The following ATP8A2 variants were observed in gnomAD, a reference collection of about 807,000 sequenced individuals.
ATP8A2 encodes phospholipid-transporting ATPase IB.
ATP8A2 carries 100 observed loss-of-function variants against 165.6 expected under a neutral mutation model. The observed-to-expected ratio is 0.60, with a 90% CI of 0.51 to 0.71. The LOEUF (loss-of-function observed/expected upper bound fraction) is 0.71, where lower values mean the gene tolerates loss of function less well. Among genes scored for constraint, ATP8A2 ranks in the 30% least tolerant of loss-of-function variants. The probability of loss-of-function intolerance (pLI) is 0.00; values close to 1 mark genes in which losing one functional copy is unlikely to be tolerated. For synonymous variants in ATP8A2, 543 were observed against 548.8 expected, an observed-to-expected ratio of 0.99 and a Z score of 0.15; for missense variants, 1,227 against 1,479.5, an observed-to-expected ratio of 0.83 and a Z score of 2.80.
intron 1 of ATP8A2, among the ~76,000 whole-genome samples, chr13:25,436,867 C>T (rs2034793800): frequency 6.6e-6 from 1 of 151,966 alleles, no homozygotes; most frequent in African/African-American, 2.4e-5. Flanking sequence ...GCCTCGGCCT[C>T]TCAGGGTTAG....
chr13:25,572,239 A>G (rs1404529694), intron 18 of ATP8A2, among the ~76,000 whole-genome samples: 2 of 152,134 alleles, frequency 1.3e-5, no homozygotes, highest in Non-Finnish European at 2.9e-5. Flanking sequence ...GGTTCAAGCA[A>G]TTCTCCTGCC....
At chr13:25,791,565 A>ACACACACACACACACACACACT (rs1423280387) in intron 27 of ATP8A2, among the ~76,000 whole-genome samples, 14 of 151,540 alleles carry the variant, frequency 9.2e-5, no homozygotes, top group Non-Finnish European at 1.5e-5. Context: ...ACACACACAC[A>ACACACACACACACACACACACT]CACACACACA....
At chr13:25,603,206 G>C (rs2040432180) in intron 24 of ATP8A2, among the ~76,000 whole-genome samples, 1 of 152,080 alleles carries the variant, frequency 6.6e-6, no homozygotes, top group Non-Finnish European at 1.5e-5. Flanking sequence ...AAGGAGTCTT[G>C]GCTAGGCACG....
intron 35 of ATP8A2, among the ~76,000 whole-genome samples, chr13:25,995,721 A>G (rs1028341460): frequency 7.9e-5 from 12 of 152,120 alleles, no homozygotes; most frequent in Admixed American, 3.3e-4. Flanking sequence ...TTCTTGTTAT[A>G]TATTCCATGT....
At chr13:25,380,359 A>T (rs991438273) in intron 1 of ATP8A2, among the ~76,000 whole-genome samples, 22 of 152,204 alleles carry the variant, frequency 1.4e-4, no homozygotes, top group African/African-American at 5.3e-4. Context: ...TTGAAGTTGA[A>T]GGTGACTTTA....
intron 30 of ATP8A2, among the ~76,000 whole-genome samples, chr13:25,855,478 G>A (rs1391682460): frequency 6.6e-6 from 1 of 152,026 alleles, no homozygotes; most frequent in African/African-American, 2.4e-5. Flanking sequence ...GCCTAATAAT[G>A]GTGTTCTATC....
At chr13:25,907,150 A>C (rs1213747752) in intron 33 of ATP8A2, among the ~76,000 whole-genome samples, 1 of 152,154 alleles carries the variant, frequency 6.6e-6, no homozygotes, top group African/African-American at 2.4e-5. Context: ...GAATCACTTG[A>C]ACCTGGGAGG....
intron 35 of ATP8A2, among the ~76,000 whole-genome samples, chr13:26,009,771 A>G (rs1956806254): frequency 6.6e-6 from 1 of 152,190 alleles, no homozygotes; most frequent in African/African-American, 2.4e-5. Context: ...TTTTTAAATA[A>G]TATCTCATTA....
intron 1 of ATP8A2, among the ~76,000 whole-genome samples, chr13:25,454,097 A>G (rs1395152073): frequency 6.6e-6 from 1 of 152,104 alleles, no homozygotes; most frequent in Non-Finnish European, 1.5e-5. Flanking sequence ...GTCACTCTGG[A>G]GTGAACTGCA....
chr13:25,910,727 T>C (rs367593104), intron 33 of ATP8A2, among the ~76,000 whole-genome samples: 68 of 152,300 alleles, frequency 4.5e-4, no homozygotes, highest in Non-Finnish European at 5.1e-4. Context: ...TGAATGAAGA[T>C]GGTGGTCTTT....
At chr13:25,745,876 T>A (rs963255697) in intron 25 of ATP8A2, among the ~76,000 whole-genome samples, 8 of 152,170 alleles carry the variant, frequency 5.3e-5, no homozygotes, top group African/African-American at 1.9e-4. Context: ...GTGCCAAAAA[T>A]GGTATTTTAG....
chr13:25,641,300 AGAG>A (rs2041513959), intron 24 of ATP8A2, among the ~76,000 whole-genome samples: 1 of 152,222 alleles, frequency 6.6e-6, no homozygotes, highest in South Asian at 2.1e-4. Flanking sequence ...AATTAGGAAA[AGAG>A]GAAGTCAAAT....
chr13:25,449,623 G>A (rs2035159437), intron 1 of ATP8A2, among the ~76,000 whole-genome samples: 1 of 152,146 alleles, frequency 6.6e-6, no homozygotes, highest in Non-Finnish European at 1.5e-5. Context: ...TTCTTTCTCT[G>A]TGTTGTATCA....
chr13:25,678,234 G>A (rs776688356), intron 24 of ATP8A2, among the ~76,000 whole-genome samples: 7 of 152,152 alleles, frequency 4.6e-5, no homozygotes, highest in Non-Finnish European at 7.4e-5. Context: ...GGCTCACCAA[G>A]CTAGTAGTTG....
At chr13:25,468,705 G>A in intron 1 of ATP8A2, 1 of 413,922 alleles carries the variant, frequency 2.4e-6, no homozygotes, top group Non-Finnish European at 3.3e-6. Flanking sequence ...CGCAGGAGCT[G>A]GGGGCGGCTC....
intron 24 of ATP8A2, among the ~76,000 whole-genome samples, chr13:25,645,412 A>G (rs2041646281): frequency 6.6e-6 from 1 of 152,190 alleles, no homozygotes. Flanking sequence ...CAACCAAACC[A>G]TATCATGCTC....
intron 17 of ATP8A2, 60 bp from the exon 18 acceptor site, chr13:25,571,550 T>G: frequency 7.7e-7 from 1 of 1,296,150 alleles, no homozygotes; most frequent in African/African-American, 1.5e-5. Flanking sequence ...AAAGTGACAC[T>G]AAACAGAATT....
In ATP8A2 at chr13:25,397,027, G is replaced by A. The variant is rs568796411; in HGVS notation, c.76+24739G>A. 5.3e-5 allele frequency among the ~76,000 whole-genome samples: 8 copies of A among 152,292 alleles called. No individual in the cohort carries two copies. In the East Asian group the frequency reaches 1.2e-3, roughly 22 times the overall value. ...GAGTCTTGTCTTTGACACCAAAGGCGTGCCCCTTGGTGGGGGTGGGGGTGG... is the reference window on the plus strand; with the variant it reads ...GAGTCTTGTCTTTGACACCAAAGGCATGCCCCTTGGTGGGGGTGGGGGTGG... On this transcript the variant is annotated intron_variant, in intron 1 of 36. Transcript: ENST00000381655.
intron 33 of ATP8A2, among the ~76,000 whole-genome samples, chr13:25,910,510 A>G (rs765221999): frequency 6.6e-6 from 1 of 152,214 alleles, no homozygotes. Context: ...CTGTTACCTT[A>G]TCAGCTGTGT....
Sources: gnomAD v4.1 joint callset for allele counts (sites outside exome capture counted in the v4.1 genomes callset) on GRCh38, gnomAD v4.1.1 for gene constraint, MANE v1.5 for transcripts, NCBI Gene and HGNC (gene_info 2026-07-23, HGNC 2026-07-21) for gene names.